Variants in CDH18 observed in about 807,000 individuals in gnomAD.
The protein encoded by CDH18 is cadherin-18.
Under a neutral mutation model 67.9 loss-of-function variants are expected in CDH18, and 31 were observed. The ratio of observed to expected loss-of-function variants is 0.46; its 90% CI spans 0.34 to 0.62. The LOEUF is 0.62. Among genes scored for constraint, CDH18 ranks in the 20% least tolerant of loss-of-function variants. The probability of loss-of-function intolerance (pLI) is 0.01; values close to 1 mark genes in which losing one functional copy is unlikely to be tolerated. For synonymous variants in CDH18, 362 were observed against 347.2 expected (o/e 1.04, Z -0.48); for missense variants, 890 against 975.5 (o/e 0.91, Z 1.17).
intron 1 of CDH18, among the ~76,000 whole-genome samples, chr5:20,473,907 C>A (rs1284615720): frequency 2.6e-5 from 4 of 152,042 alleles, no homozygotes; most frequent in Admixed American, 1.3e-4. Flanking sequence ...TATGCTATCC[C>A]TTTTTCCCTC....
chr5:20,513,739 T>C (rs566157376), intron 1 of CDH18, among the ~76,000 whole-genome samples: 1 of 151,700 alleles, frequency 6.6e-6, no homozygotes, highest in African/African-American at 2.4e-5. Flanking sequence ...AGGTCCTAAA[T>C]GTCCTTTTAT....
intron 2 of CDH18, among the ~76,000 whole-genome samples, chr5:19,994,242 C>T (rs1367998158): frequency 1.4e-5 from 2 of 139,110 alleles, no homozygotes; most frequent in East Asian, 2.2e-4. Context: ...TATATACACA[C>T]ACATATACAC....
intron 5 of CDH18, among the ~76,000 whole-genome samples, chr5:19,670,220 T>C (rs544179211): frequency 2.0e-5 from 3 of 152,250 alleles, no homozygotes; most frequent in South Asian, 4.1e-4. Flanking sequence ...TAAAAGTTGC[T>C]AAACAGTTTT....
At chr5:19,496,955 A>G (rs755132696) in intron 11 of CDH18, among the ~76,000 whole-genome samples, 38 of 152,244 alleles carry the variant, frequency 2.5e-4, no homozygotes, top group Non-Finnish European at 4.4e-4. Context: ...AAATGATCTT[A>G]GAGTTCCCAG....
At chr5:20,186,448 A>G (rs1738106118) in intron 2 of CDH18, among the ~76,000 whole-genome samples, 1 of 151,942 alleles carries the variant, frequency 6.6e-6, no homozygotes, top group Admixed American at 6.6e-5. Flanking sequence ...AAGAACAACA[A>G]TGAGAACAAC....
chr5:20,335,873 A>G (rs1227468561), intron 1 of CDH18, among the ~76,000 whole-genome samples: 1 of 152,238 alleles, frequency 6.6e-6, no homozygotes, highest in Non-Finnish European at 1.5e-5. Context: ...TTGGTGTGTT[A>G]CTTTACATTA....
Position 19,839,016 on chromosome 5 carries a change from C to T in CDH18, c.-30G>A. 6.4e-7 allele frequency: 1 copy of T among 1,556,924 alleles called. No individual in the cohort carries two copies. ...AGATAACTTTCCAGTTCACAGTTTT[C>T]CTTCCTTTCCTTGTCAGCTACGAAA... On this transcript the variant is annotated 5_prime_UTR_variant, in exon 3 of 13. Coordinates refer to ENST00000382275, the MANE Select transcript of CDH18 (RefSeq NM_004934.5).
intron 1 of CDH18, among the ~76,000 whole-genome samples, chr5:20,477,644 AGC>A (rs1307778042): frequency 6.6e-6 from 1 of 152,192 alleles, no homozygotes. Flanking sequence ...AGTTCCAGCT[AGC>A]CCCAACGCCA....
chr5:20,238,043 A>G (rs969946974), intron 2 of CDH18, among the ~76,000 whole-genome samples: 3 of 152,018 alleles, frequency 2.0e-5, no homozygotes, highest in Non-Finnish European at 2.9e-5. Context: ...TGCCAAGACA[A>G]TTACTGGAAA....
rs1433862298 is a variant in CDH18, at chr5:20,336,715, C to T, written c.-579-81210G>A. On this transcript the variant is annotated intron_variant, in intron 1 of 14. Transcript: ENST00000507958. ...TCCAGCCTGGGCAACAGAGAGGGAGCCTCTGTCTCAAAAAAAAAAAAAAAA... is the reference window on the plus strand; with the variant it reads ...TCCAGCCTGGGCAACAGAGAGGGAGTCTCTGTCTCAAAAAAAAAAAAAAAA... Among the ~76,000 whole-genome samples, 6 of 58,134 alleles carry T rather than the reference C, an allele frequency of 1.0e-4. No homozygotes were observed. In the East Asian group the frequency reaches 2.3e-3, roughly 22 times the overall value. The allele number at this position is 58,134 out of a possible 152,430, so 38.1% of individuals were successfully genotyped here. A position where few individuals can be genotyped will look rare whatever the true frequency, so the allele number is the denominator to read the frequency against.
chr5:19,573,458 T>G (rs1741803510), intron 7 of CDH18, among the ~76,000 whole-genome samples: 1 of 152,140 alleles, frequency 6.6e-6, no homozygotes, highest in African/African-American at 2.4e-5. Context: ...TTTTGTATTT[T>G]TAGTAGAGAC....
chr5:20,004,869 A>T (rs1736760841), intron 2 of CDH18, among the ~76,000 whole-genome samples: 1 of 152,232 alleles, frequency 6.6e-6, no homozygotes, highest in South Asian at 2.1e-4. Context: ...TCCAAATAAC[A>T]GAGAAAATAA....
At chr5:20,395,085 A>G (rs1745178514) in intron 1 of CDH18, among the ~76,000 whole-genome samples, 1 of 152,162 alleles carries the variant, frequency 6.6e-6, no homozygotes, top group African/African-American at 2.4e-5. Context: ...AAATTCTATG[A>G]CTGGGTATCT....
At position 20,348,261 on chromosome 5, in the gene CDH18, C is replaced by T. The variant is rs866752113; in HGVS notation, c.-579-92756G>A. Among the ~76,000 whole-genome samples the T allele has an allele frequency of 1.2e-4, 19 of 152,156 alleles. No individual in the cohort carries two copies. In the Middle Eastern group the frequency reaches 0.014, roughly 109 times the overall value. The stretch of plus-strand genomic sequence containing the variant: ...CATGGAATAACAAACTCATTAACAA[C>T]AAAGAGACATCCATTAATTGCTTAA... On this transcript the variant is annotated intron_variant, in intron 1 of 14. Transcript: ENST00000507958.
chr5:20,252,709 G>A (rs964141740), intron 2 of CDH18, among the ~76,000 whole-genome samples: 1 of 151,972 alleles, frequency 6.6e-6, no homozygotes, highest in African/African-American at 2.4e-5. Context: ...AGGCAGAGGC[G>A]GGCGGATCAC....
chr5:19,672,155 T>C (rs1474109278), intron 5 of CDH18, among the ~76,000 whole-genome samples: 1 of 152,124 alleles, frequency 6.6e-6, no homozygotes, highest in Non-Finnish European at 1.5e-5. Flanking sequence ...TGCATCCTGA[T>C]ACAGAACAAA....
chr5:19,694,873 CA>C (rs35511726), intron 5 of CDH18, among the ~76,000 whole-genome samples: 57 of 141,190 alleles, frequency 4.0e-4, no homozygotes, highest in South Asian at 4.5e-4. Context: ...GACTCTGTCT[CA>C]AAAAAAAAAA....
In CDH18 at chr5:19,952,562, T is replaced by C. The variant is rs1795902944; in HGVS notation, c.-257+28498A>G. On this transcript the variant is annotated intron_variant, in intron 2 of 12. Coordinates refer to ENST00000382275, the MANE Select transcript of CDH18 (RefSeq NM_004934.5). ...CTTCCTAATACTCTCCATTCATTATTAGCACATAAAATCTCTTTGGTTTAT... is the reference window on the plus strand; with the variant it reads ...CTTCCTAATACTCTCCATTCATTATCAGCACATAAAATCTCTTTGGTTTAT... Among the ~76,000 whole-genome samples the C allele has an allele frequency of 3.3e-5, 5 of 152,196 alleles. No individual in the cohort carries two copies. The South Asian group carries it at 1.0e-3, about 31-fold the overall frequency.
intron 1 of CDH18, among the ~76,000 whole-genome samples, chr5:20,363,753 G>A (rs1742294716): frequency 6.6e-6 from 1 of 150,534 alleles, no homozygotes. Context: ...AGTTCCAGAA[G>A]CATTGGTAAG....
Sources: allele counts gnomAD v4.1 joint callset (sites outside exome capture counted in the v4.1 genomes callset), GRCh38; gene constraint gnomAD v4.1.1; transcripts MANE v1.5; gene names NCBI Gene and HGNC (gene_info 2026-07-23, HGNC 2026-07-21).